The following CTNNA2 variants were observed in gnomAD, a reference collection of about 807,000 sequenced individuals.
CTNNA2 encodes catenin alpha-2.
A neutral mutation model predicts 101.0 loss-of-function variants in CTNNA2; 42 were observed. The observed-to-expected ratio is 0.42, with a 90% CI of 0.32 to 0.54. CTNNA2 has a LOEUF of 0.54. Among genes scored for constraint, CTNNA2 ranks in the 20% least tolerant of loss-of-function variants. The pLI is 0.14. For synonymous variants in CTNNA2, 450 were observed against 456.4 expected (o/e 0.99, Z 0.18); for missense variants, 871 against 1,223.1 (o/e 0.71, Z 4.29).
chr2:80,578,763 C>G (rs1285717026), intron 13 of CTNNA2: 1 of 152,144 alleles, frequency 6.6e-6, no homozygotes, highest in Non-Finnish European at 1.5e-5. Flanking sequence ...ATATACTCAA[C>G]AGTTCTGAGC....
chr2:79,454,249 T>C (rs1361164254), intron 4 of CTNNA2, among the ~76,000 whole-genome samples: 1 of 152,132 alleles, frequency 6.6e-6, no homozygotes, highest in Non-Finnish European at 1.5e-5. Flanking sequence ...ACCCTGTGAG[T>C]AATTTACCAT....
At chr2:79,525,332 G>T (rs530741322) in intron 1 of CTNNA2, among the ~76,000 whole-genome samples, 1 of 152,002 alleles carries the variant, frequency 6.6e-6, no homozygotes, top group African/African-American at 2.4e-5. Flanking sequence ...TTCAAATCAC[G>T]AAAATGGTTA....
intron 7 of CTNNA2, among the ~76,000 whole-genome samples, chr2:79,938,494 G>T (rs988096352): frequency 1.3e-5 from 2 of 152,208 alleles, no homozygotes; most frequent in African/African-American, 4.8e-5. Context: ...GGAGGGATTT[G>T]TAGCTGTCAG....
At chr2:79,391,748 T>A (rs946993434) in intron 4 of CTNNA2, among the ~76,000 whole-genome samples, 1 of 152,170 alleles carries the variant, frequency 6.6e-6, no homozygotes, top group Non-Finnish European at 1.5e-5. Flanking sequence ...AACCCAGCAA[T>A]CTGATTGTCC....
At chr2:79,970,102 C>G (rs898925002) in intron 7 of CTNNA2, among the ~76,000 whole-genome samples, 2 of 152,154 alleles carry the variant, frequency 1.3e-5, no homozygotes, top group Non-Finnish European at 2.9e-5. Context: ...CATTTATGCC[C>G]TCATGAACTA....
intron 1 of CTNNA2, among the ~76,000 whole-genome samples, chr2:79,583,944 A>G (rs1676309178): frequency 1.3e-5 from 2 of 152,084 alleles, no homozygotes; most frequent in Non-Finnish European, 2.9e-5. Context: ...CATTATTCCC[A>G]TAAACTGGAA....
intron 7 of CTNNA2, among the ~76,000 whole-genome samples, chr2:80,267,178 C>G (rs1236608206): frequency 6.6e-6 from 1 of 152,162 alleles, no homozygotes; most frequent in African/African-American, 2.4e-5. Context: ...TCCTCTCCCT[C>G]TCCTCTTCAT....
At chr2:79,599,803 T>A (rs909299708) in intron 1 of CTNNA2, among the ~76,000 whole-genome samples, 2 of 152,182 alleles carry the variant, frequency 1.3e-5, no homozygotes, top group African/African-American at 4.8e-5. Flanking sequence ...CAAGGGAAAG[T>A]TTCTTTGCCA....
intron 7 of CTNNA2, among the ~76,000 whole-genome samples, chr2:80,264,921 T>C (rs1322108400): frequency 6.6e-6 from 1 of 151,540 alleles, no homozygotes; most frequent in Admixed American, 6.6e-5. Context: ...GCATTTCTAA[T>C]GCTTTTTGAC....
intron 2 of CTNNA2, among the ~76,000 whole-genome samples, chr2:79,294,674 G>A (rs13382380): frequency 6.6e-6 from 1 of 151,926 alleles, no homozygotes; most frequent in Non-Finnish European, 1.5e-5. Context: ...TAACTTATTT[G>A]AATTTTGCAT....
intron 18 of CTNNA2, among the ~76,000 whole-genome samples, chr2:80,637,211 C>A (rs1038521623): frequency 6.6e-6 from 1 of 152,170 alleles, no homozygotes; most frequent in Non-Finnish European, 1.5e-5. Context: ...ATAATAAAAG[C>A]TGAGATGTAT....
intron 1 of CTNNA2, among the ~76,000 whole-genome samples, chr2:79,626,627 G>T (rs938468307): frequency 5.9e-5 from 8 of 134,546 alleles, no homozygotes; most frequent in Non-Finnish European, 3.4e-5. Context: ...GTATGTGTGT[G>T]TGTGTGTGTG....
intron 2 of CTNNA2, among the ~76,000 whole-genome samples, chr2:79,216,877 A>G (rs2104212600): frequency 6.6e-6 from 1 of 152,260 alleles, no homozygotes; most frequent in Admixed American, 6.5e-5. Context: ...GGACCAAGGC[A>G]GGCATCCCCA....
At chr2:80,271,076 C>G (rs1356707884) in intron 7 of CTNNA2, among the ~76,000 whole-genome samples, 1 of 152,140 alleles carries the variant, frequency 6.6e-6, no homozygotes, top group South Asian at 2.1e-4. Context: ...TGAGATGCCC[C>G]TCTAGCAGAT....
intron 1 of CTNNA2, among the ~76,000 whole-genome samples, chr2:79,567,242 T>C (rs940870463): frequency 6.6e-6 from 1 of 152,144 alleles, no homozygotes; most frequent in Non-Finnish European, 1.5e-5. Context: ...TTGAAGTTGT[T>C]GTCATTTGTA....
At chr2:79,273,040 T>C (rs1293578466) in intron 2 of CTNNA2, among the ~76,000 whole-genome samples, 1 of 152,100 alleles carries the variant, frequency 6.6e-6, no homozygotes, top group Non-Finnish European at 1.5e-5. Flanking sequence ...TCAAGGTACA[T>C]GGTGTTCCTC....
At chr2:80,511,384 T>C in intron 9 of CTNNA2, among the ~76,000 whole-genome samples, 1 of 152,232 alleles carries the variant, frequency 6.6e-6, no homozygotes, top group East Asian at 1.9e-4. Context: ...GAGCAAGACG[T>C]TGGGATTGTT....
intron 7 of CTNNA2, among the ~76,000 whole-genome samples, chr2:80,134,364 T>C (rs538870642): frequency 1.3e-5 from 2 of 152,226 alleles, no homozygotes; most frequent in African/African-American, 2.4e-5. Flanking sequence ...ATGGTTGCTG[T>C]GCAACTACGC....
chr2:79,253,563 C>T (rs976913443), intron 2 of CTNNA2, among the ~76,000 whole-genome samples: 1 of 152,156 alleles, frequency 6.6e-6, no homozygotes, highest in Non-Finnish European at 1.5e-5. Context: ...AACCCCAAAT[C>T]GGTTCAGCAG....
Sources: allele counts gnomAD v4.1 joint callset (sites outside exome capture counted in the v4.1 genomes callset), GRCh38; gene constraint gnomAD v4.1.1; transcripts MANE v1.5; gene names NCBI Gene and HGNC (gene_info 2026-07-23, HGNC 2026-07-21).